PDE4B: variants seen among roughly 807,000 people sequenced by gnomAD.
The protein encoded by PDE4B is phosphodiesterase 4B.
A neutral mutation model predicts 82.2 loss-of-function variants in PDE4B; 20 were observed. The ratio of observed to expected loss-of-function variants is 0.24; its 90% confidence interval spans 0.17 to 0.35. PDE4B has a LOEUF of 0.35. PDE4B is among the 10% of genes least tolerant of loss of function. The pLI is 1.00. For missense variants in PDE4B, 655 were observed against 907.2 expected, an observed-to-expected ratio of 0.72 and a Z score of 3.57; for synonymous variants, 320 against 318.9, an observed-to-expected ratio of 1.00 and a Z score of -0.04.
At chr1:65,846,332 G>C (rs996750397) in intron 1 of PDE4B, among the ~76,000 whole-genome samples, 4 of 152,180 alleles carry the variant, frequency 2.6e-5, no homozygotes, top group Non-Finnish European at 5.9e-5. Context: ...ACTAGACTGG[G>C]TTAAGTATAG....
At chr1:65,934,815 G>A (rs1453096205) in intron 3 of PDE4B, among the ~76,000 whole-genome samples, 1 of 152,100 alleles carries the variant, frequency 6.6e-6, no homozygotes, top group African/African-American at 2.4e-5. Flanking sequence ...CAATTGAACA[G>A]GAAGATATAA....
chr1:65,917,433 C>A (rs1647175493), intron 2 of PDE4B, among the ~76,000 whole-genome samples: 1 of 152,130 alleles, frequency 6.6e-6, no homozygotes, highest in African/African-American at 2.4e-5. Context: ...TCCGTTATTC[C>A]CTGCTAGCTA....
intron 4 of PDE4B, among the ~76,000 whole-genome samples, chr1:66,253,110 A>C (rs1653916393): frequency 6.6e-6 from 1 of 152,180 alleles, no homozygotes; most frequent in Non-Finnish European, 1.5e-5. Context: ...AATTAATTTA[A>C]TTTTCACAGA....
At chr1:66,218,715 A>G (rs759674417) in intron 3 of PDE4B, among the ~76,000 whole-genome samples, 6 of 152,106 alleles carry the variant, frequency 3.9e-5, no homozygotes, top group African/African-American at 7.2e-5. Flanking sequence ...AGATCCTTGT[A>G]CATATGCTAT....
chr1:66,009,957 T>TATCTATCTATC (rs1557494949), intron 3 of PDE4B, among the ~76,000 whole-genome samples: 20 of 141,066 alleles, frequency 1.4e-4, no homozygotes, highest in South Asian at 7.7e-4. Flanking sequence ...ATCTATCATC[T>TATCTATCTATC]ATCTATCTAA....
chr1:66,245,475 C>G (rs953252655), intron 3 of PDE4B, among the ~76,000 whole-genome samples: 1 of 152,118 alleles, frequency 6.6e-6, no homozygotes. Context: ...ACAAAAAAGC[C>G]CTTATCCACA....
chr1:66,085,848 T>C (rs1225805949), intron 3 of PDE4B, among the ~76,000 whole-genome samples: 1 of 152,102 alleles, frequency 6.6e-6, no homozygotes, highest in Non-Finnish European at 1.5e-5. Context: ...AAAATAGATG[T>C]TTTGACTGCA....
chr1:66,321,996 C>T (rs1435807638), intron 7 of PDE4B, among the ~76,000 whole-genome samples: 1 of 152,096 alleles, frequency 6.6e-6, no homozygotes, highest in African/African-American at 2.4e-5. Flanking sequence ...TGGAACAGAA[C>T]AGAGTCCTCA....
intron 10 of PDE4B, 41 bp from the exon 11 acceptor site, chr1:66,363,127 A>G (rs544179717): frequency 4.3e-6 from 6 of 1,399,116 alleles, no homozygotes; most frequent in Non-Finnish European, 2.0e-6. Flanking sequence ...TGTTAGCACA[A>G]CTTTCCTTAT....
In PDE4B at chr1:66,363,480, A is replaced by G. The variant is rs1662977666; in HGVS notation, c.1193A>G (p.His398Arg). 1 of 1,613,756 alleles carries G rather than the reference A, an allele frequency of 6.2e-7. No homozygotes were observed. Reference protein sequence around the residue: ...FITYMMTLEDHYHSDVAYHNS... With the variant: ...FITYMMTLEDRYHSDVAYHNS... ...ACCTACATGATGACTTTAGAAGACC[A>G]TTACCATTCTGACGTGGCATATCAC... Residue 398 changes from histidine (H) to arginine (R), a missense_variant, in exon 12 of 17, where the codon CAT (histidine) becomes CGT (arginine). By Grantham distance (29) the His-to-Arg change is conservative. Transcript: ENST00000341517.
chr1:66,053,597 C>G (rs775002384), intron 3 of PDE4B, among the ~76,000 whole-genome samples: 1 of 152,152 alleles, frequency 6.6e-6, no homozygotes, highest in African/African-American at 2.4e-5. Context: ...GTGGCTTACT[C>G]CTGTAATCCC....
intron 3 of PDE4B, among the ~76,000 whole-genome samples, chr1:66,119,883 C>T (rs181384426): frequency 2.0e-5 from 3 of 152,060 alleles, no homozygotes; most frequent in Non-Finnish European, 2.9e-5. Flanking sequence ...GGGAAGACAA[C>T]ATGAAGACAC....
chr1:66,255,609 T>C (rs1421022842), intron 4 of PDE4B, among the ~76,000 whole-genome samples: 16 of 152,230 alleles, frequency 1.1e-4, no homozygotes, highest in Non-Finnish European at 2.2e-4. Context: ...TGGCAGCATC[T>C]ACCATCCCTG....
intron 3 of PDE4B, among the ~76,000 whole-genome samples, chr1:65,958,674 G>GT (rs1239523326): frequency 1.3e-5 from 2 of 151,902 alleles, no homozygotes; most frequent in Non-Finnish European, 2.9e-5. Context: ...TTAATGTTAT[G>GT]TTTTTTCTAA....
intron 3 of PDE4B, among the ~76,000 whole-genome samples, chr1:66,165,480 A>G (rs888878383): frequency 6.6e-6 from 1 of 152,146 alleles, no homozygotes; most frequent in East Asian, 1.9e-4. Context: ...TAATTTTTAT[A>G]GAGACAATTC....
intron 1 of PDE4B, among the ~76,000 whole-genome samples, chr1:65,834,938 GA>G (rs1646123861): frequency 6.6e-6 from 1 of 152,054 alleles, no homozygotes; most frequent in Non-Finnish European, 1.5e-5. Flanking sequence ...CATCCCTGGA[GA>G]ACTGCTTGTT....
At chr1:66,333,721 G>A (rs1191634096) in intron 8 of PDE4B, among the ~76,000 whole-genome samples, 4 of 152,106 alleles carry the variant, frequency 2.6e-5, no homozygotes, top group Admixed American at 1.3e-4. Context: ...TGCTGGCTGC[G>A]GCTCAGAGGA....
intron 1 of PDE4B, among the ~76,000 whole-genome samples, chr1:65,831,584 A>G (rs1646082094): frequency 6.6e-6 from 1 of 152,200 alleles, no homozygotes; most frequent in Non-Finnish European, 1.5e-5. Context: ...GGCAAATTCT[A>G]TGAAACATTT....
chr1:66,052,427 A>C (rs192903516), intron 3 of PDE4B, among the ~76,000 whole-genome samples: 65 of 152,264 alleles, frequency 4.3e-4, no homozygotes, highest in South Asian at 1.0e-3. Context: ...TAGAGATCGC[A>C]TCAAACCCAC....
Sources: gnomAD v4.1 joint callset for allele counts (sites outside exome capture counted in the v4.1 genomes callset) on GRCh38, gnomAD v4.1.1 for gene constraint, MANE v1.5 for transcripts, NCBI Gene and HGNC (gene_info 2026-07-23, HGNC 2026-07-21) for gene names.